IQCM: variants seen among roughly 807,000 people sequenced by gnomAD.
The protein encoded by IQCM is IQ domain-containing protein M.
Under a neutral mutation model 57.6 loss-of-function variants are expected in IQCM, and 45 were observed. The observed-to-expected ratio is 0.78, with a 90% CI of 0.62 to 1.00. IQCM has a LOEUF of 1.00. Among genes scored for constraint, IQCM ranks in the 50% least tolerant of loss-of-function variants. The pLI, the probability that IQCM is intolerant of heterozygous loss-of-function variation, is 0.00. For synonymous variants in IQCM, 148 were observed against 158.9 expected, an observed-to-expected ratio of 0.93 and a Z score of 0.51; for missense variants, 468 against 511.6, an observed-to-expected ratio of 0.91 and a Z score of 0.82.
chr4:149,798,114 AAAT>A (rs1773281024), intron 2 of IQCM, among the ~76,000 whole-genome samples: 1 of 152,008 alleles, frequency 6.6e-6, no homozygotes, highest in Admixed American at 6.6e-5. Flanking sequence ...AACCAATCAA[AAAT>A]AATAACTACA....
At chr4:149,506,561 T>C (rs1743835610) in intron 12 of IQCM, among the ~76,000 whole-genome samples, 1 of 152,124 alleles carries the variant, frequency 6.6e-6, no homozygotes, top group African/African-American at 2.4e-5. Flanking sequence ...GCCCAGGATA[T>C]ATACCCTTTG....
At chr4:149,412,383 C>T (rs1325713186) in intron 13 of IQCM, among the ~76,000 whole-genome samples, 2 of 152,208 alleles carry the variant, frequency 1.3e-5, no homozygotes, top group Non-Finnish European at 2.9e-5. Context: ...TACCTAGACC[C>T]CTCCCAAAGG....
At chr4:149,727,415 A>G (rs1404776882) in intron 5 of IQCM, among the ~76,000 whole-genome samples, 1 of 152,124 alleles carries the variant, frequency 6.6e-6, no homozygotes, top group Non-Finnish European at 1.5e-5. Context: ...TACACTCCAC[A>G]CCTAATCTTT....
At chr4:149,404,873 A>G (rs1389564765) in intron 13 of IQCM, among the ~76,000 whole-genome samples, 1 of 152,080 alleles carries the variant, frequency 6.6e-6, no homozygotes, top group Non-Finnish European at 1.5e-5. Flanking sequence ...GCAGAGAAAT[A>G]TATTTCGTAG....
At chr4:149,405,527 G>A (rs1472881627) in intron 13 of IQCM, among the ~76,000 whole-genome samples, 1 of 151,434 alleles carries the variant, frequency 6.6e-6, no homozygotes, top group African/African-American at 2.4e-5. Context: ...CCTGCACATT[G>A]TGCACATGTA....
chr4:149,764,224 T>C (rs572481671), intron 2 of IQCM, among the ~76,000 whole-genome samples: 4 of 152,254 alleles, frequency 2.6e-5, no homozygotes, highest in Admixed American at 2.6e-4. Flanking sequence ...GAGAATCTCT[T>C]TGGAATTTCC....
chr4:149,717,534 C>A (rs1382245935), intron 5 of IQCM, among the ~76,000 whole-genome samples: 1 of 152,070 alleles, frequency 6.6e-6, no homozygotes, highest in East Asian at 1.9e-4. Context: ...TATAAATATA[C>A]ATCAATTTCA....
chr4:149,410,240 G>T (rs560783426), intron 13 of IQCM, among the ~76,000 whole-genome samples: 1 of 151,992 alleles, frequency 6.6e-6, no homozygotes, highest in Admixed American at 6.6e-5. Context: ...ACAGCCAAAA[G>T]GTCCCAAACT....
intron 8 of IQCM, 30 bp from the exon 9 acceptor site, chr4:149,588,027 A>C (rs1752796910): frequency 9.6e-7 from 1 of 1,046,834 alleles, no homozygotes. Context: ...AGTTGACATA[A>C]GTAGAAAAAC....
intron 5 of IQCM, among the ~76,000 whole-genome samples, chr4:149,723,931 T>C (rs879865054): frequency 2.4e-4 from 37 of 151,190 alleles, no homozygotes; most frequent in Admixed American, 1.1e-3. Flanking sequence ...TTTTTTTTCC[T>C]TCCTGGGAGA....
chr4:149,760,735 G>A (rs1167498519), intron 2 of IQCM, among the ~76,000 whole-genome samples: 1 of 151,890 alleles, frequency 6.6e-6, no homozygotes, highest in Non-Finnish European at 1.5e-5. Flanking sequence ...TCAGAACAGA[G>A]TATATAAAAT....
chr4:149,417,404 G>C (rs1733820307), intron 13 of IQCM, among the ~76,000 whole-genome samples: 1 of 152,064 alleles, frequency 6.6e-6, no homozygotes, highest in African/African-American at 2.4e-5. Flanking sequence ...GTGAAGTACA[G>C]TTTACGTGCC....
chr4:149,358,701 T>C (rs893440937), intron 13 of IQCM, among the ~76,000 whole-genome samples: 1 of 151,940 alleles, frequency 6.6e-6, no homozygotes, highest in Non-Finnish European at 1.5e-5. Context: ...GGAAGAAAAA[T>C]GCAAAAGCCA....
intron 5 of IQCM, among the ~76,000 whole-genome samples, chr4:149,695,451 T>C (rs1561167248): frequency 2.0e-5 from 3 of 152,150 alleles, no homozygotes; most frequent in Non-Finnish European, 4.4e-5. Flanking sequence ...TGGGAGGTCA[T>C]TGGACAATTT....
intron 12 of IQCM, among the ~76,000 whole-genome samples, chr4:149,541,641 G>A (rs1315633553): frequency 2.0e-5 from 3 of 151,936 alleles, no homozygotes; most frequent in African/African-American, 7.2e-5. Flanking sequence ...TGCATATTCT[G>A]CAGCTTTTAA....
At chr4:149,497,463 C>G (rs952194668) in intron 12 of IQCM, among the ~76,000 whole-genome samples, 4 of 152,020 alleles carry the variant, frequency 2.6e-5, no homozygotes, top group African/African-American at 9.7e-5. Flanking sequence ...ACAATCATGG[C>G]AGAAGGCAAA....
rs1308492757 is a variant in IQCM, at chr4:149,686,457, A to G, written c.397T>C (p.Leu133=). 1 of 1,223,454 alleles carries G rather than the reference A, an allele frequency of 8.2e-7. No individual in the cohort carries two copies. Among genetic ancestry groups the G allele is most frequent in the African/African-American group, 1.6e-5 (1 of 64,154 alleles). 75.8% of individuals were successfully genotyped at this position (1,223,454 alleles called of 1,614,324 possible). A position where few individuals can be genotyped will look rare whatever the true frequency, so the allele number is the denominator to read the frequency against. ...IDLITKGQVK[L]DKIMTIIEPV... ...TCAATAATAGTCATGATTTTATCCA[A>G]TTTAACTTGTCCTGAAATTTTGTTA... The change falls in exon 6 of 14, where the codon TTG becomes CTG. Residue 133 remains leucine, a synonymous_variant. Transcript: ENST00000636793.
At chr4:149,641,582 A>T (rs1229209070) in intron 7 of IQCM, among the ~76,000 whole-genome samples, 1 of 152,182 alleles carries the variant, frequency 6.6e-6, no homozygotes, top group Non-Finnish European at 1.5e-5. Context: ...TTTTAAACAC[A>T]ATAAAAGAAA....
chr4:149,710,926 C>G (rs1436034068), intron 5 of IQCM: 3 of 152,122 alleles, frequency 2.0e-5, no homozygotes, highest in Non-Finnish European at 4.4e-5. Context: ...TAACCACTCT[C>G]CGGCATTTTT....
Sources: allele counts gnomAD v4.1 joint callset (sites outside exome capture counted in the v4.1 genomes callset), GRCh38; gene constraint gnomAD v4.1.1; transcripts MANE v1.5; gene names NCBI Gene and HGNC (gene_info 2026-07-23, HGNC 2026-07-21).